Variants in WDFY1 observed in about 807,000 individuals in gnomAD.
WDFY1 encodes the protein WD repeat and FYVE domain containing 1, also known as WD repeat and FYVE domain-containing protein 1.
WDFY1 carries 32 observed loss-of-function variants against 56.4 expected under a neutral mutation model. The observed-to-expected ratio is 0.57, with a 90% confidence interval of 0.43 to 0.76. WDFY1 has a LOEUF of 0.76. WDFY1 is among the 30% of genes least tolerant of loss of function. The pLI, the probability that WDFY1 is intolerant of heterozygous loss-of-function variation, is 0.00. For synonymous variants in WDFY1, 192 were observed against 197.3 expected, an observed-to-expected ratio of 0.97 and a Z score of 0.23; for missense variants, 480 against 545.7, an observed-to-expected ratio of 0.88 and a Z score of 1.20.
chr2:223,944,639 G>C (rs1689374422), intron 1 of WDFY1, among the ~76,000 whole-genome samples: 1 of 151,334 alleles, frequency 6.6e-6, no homozygotes. Flanking sequence ...GGCGCAGTGG[G>C]ACAGAAGATC....
chr2:223,895,628 T>C lies in WDFY1; in HGVS notation c.601A>G (p.Ser201Gly). ...VITTLKGHEGSVACLWWDPIQ... is the reference protein window; with the variant it reads ...VITTLKGHEGGVACLWWDPIQ... ...GGGTCCCACCAGAGGCAGGCGACAC[T>C]ACCTAGGGATTTGTGAGAGAGAGAG... Residue 201 changes from serine to glycine, a missense_variant and splice_region_variant, in exon 7 of 12, where the codon AGT (serine) becomes GGT (glycine). Ser to Gly is a moderately conservative substitution (Grantham distance 56). Transcript: ENST00000233055. The C allele has an allele frequency of 6.2e-7, 1 of 1,613,718 alleles. No individual in the cohort carries two copies. The highest frequency in any genetic ancestry group is 8.5e-7 in the Non-Finnish European group (1 of 1,179,874).
chr2:223,878,586 C>T lies in WDFY1; in HGVS notation c.*85G>A, dbSNP rs994356749. 9.8e-6 allele frequency: 10 copies of T among 1,020,048 alleles called. No individual in the cohort carries two copies. The highest frequency in any genetic ancestry group is 5.5e-5 in the South Asian group (4 of 72,508). 63.2% of individuals were successfully genotyped at this position (1,020,048 alleles called of 1,614,324 possible). A position where few individuals can be genotyped will look rare whatever the true frequency, so the allele number is the denominator to read the frequency against. On this transcript the variant is annotated 3_prime_UTR_variant, in exon 12 of 12. Transcript: ENST00000233055. The stretch of plus-strand genomic sequence containing the variant: ...TTTGTAAGTGGCTACTGTCCATTCA[C>T]GAGACAGCGCTGTGGAGCTGCGTGA...
chr2:223,942,522 GCTAA>G (rs1165447174), intron 1 of WDFY1, among the ~76,000 whole-genome samples: 4 of 85,706 alleles, frequency 4.7e-5, no homozygotes, highest in African/African-American at 9.2e-5. Flanking sequence ...CTGGCCAAAG[GCTAA>G]CTTTTTTTTT....
At chr2:223,922,660 G>A (rs1574776112) in intron 1 of WDFY1, among the ~76,000 whole-genome samples, 1 of 152,142 alleles carries the variant, frequency 6.6e-6, no homozygotes, top group African/African-American at 2.4e-5. Context: ...AGCAATCTTA[G>A]GTCATGAATG....
intron 3 of WDFY1, 33 bp from the exon 4 acceptor site, chr2:223,906,034 A>ACCATAACTCTTTT: frequency 6.8e-7 from 1 of 1,481,270 alleles, no homozygotes; most frequent in Non-Finnish European, 9.1e-7. Flanking sequence ...AAAAATTAAA[A>ACCATAACTCTTTT]GAGTTATGGT....
rs145409998 is a variant in WDFY1, at chr2:223,900,933, AT to A, written c.485+249del. 5.2e-3 allele frequency: 2,160 copies of A among 415,932 alleles called. 33 individuals are homozygous for A. Among genetic ancestry groups the A allele is most frequent in the African/African-American group, 0.04 (1,952 of 48,842 alleles). 25.8% of individuals were successfully genotyped at this position (415,932 alleles called of 1,614,324 possible). The stretch of plus-strand genomic sequence containing the variant: ...AGAACAATTCATTTCATTATTTTTA[AT>A]AAACCCAATTTACAGCAAACTTACG... On this transcript the variant is annotated intron_variant, in intron 5 of 11. Transcript: ENST00000233055.
At chr2:223,934,056 T>C (rs1694126507) in intron 1 of WDFY1, among the ~76,000 whole-genome samples, 1 of 148,516 alleles carries the variant, frequency 6.7e-6, no homozygotes, top group Non-Finnish European at 1.5e-5. Flanking sequence ...CAGTTTCTAA[T>C]AAGGAATAGC....
chr2:223,922,254 A>G lies in WDFY1; in HGVS notation c.138-4244T>C, dbSNP rs138519230. Among the ~76,000 whole-genome samples the G allele has an allele frequency of 1.8e-3, 275 of 152,340 alleles. 2 individuals are homozygous for G. The highest frequency in any genetic ancestry group is 6.3e-3 in the African/African-American group (261 of 41,578). On this transcript the variant is annotated intron_variant, in intron 1 of 11. Transcript: ENST00000233055. ...CCATTTCAGCATAACTTCTTCATCTAAAAGAATCAGTGGATGCTTCTATCC... is the reference window on the plus strand; with the variant it reads ...CCATTTCAGCATAACTTCTTCATCTGAAAGAATCAGTGGATGCTTCTATCC...
Position 223,880,555 on chromosome 2 carries a change from C to A in WDFY1, c.1065-323G>T, listed in dbSNP as rs111783499. ...CTGGGAGGTGGGGGCTGCAGTGAGC[C>A]GAGATTGTACCACTGCACTCCAGCC... On this transcript the variant is annotated intron_variant, in intron 10 of 11. Transcript: ENST00000233055. 5.0e-3 allele frequency among the ~76,000 whole-genome samples: 748 copies of A among 149,414 alleles called. 3 individuals are homozygous for A. Among genetic ancestry groups the A allele is most frequent in the African/African-American group, 0.017 (679 of 40,406 alleles).
rs1574757441 is a variant in WDFY1 at position 223,884,684 on chromosome 2, C to T, written c.897G>A (p.Lys299=). Residue 299 remains lysine, a synonymous_variant, in exon 9 of 12, where the codon AAG becomes AAA. Transcript: ENST00000233055. ...CCAGCGTCTTGGTGTCCCACATCTGCTTTATGTTCCAGAAAAATGGCTGCT... is the reference window on the plus strand; with the variant it reads ...CCAGCGTCTTGGTGTCCCACATCTGTTTTATGTTCCAGAAAAATGGCTGCT... ...KCEQPFFWNI[K]QMWDTKTLGL... is the part of the protein sequence containing the mutation. 3 of 1,614,112 alleles carry T rather than the reference C, an allele frequency of 1.9e-6. No individual in the cohort carries two copies.
intron 7 of WDFY1, among the ~76,000 whole-genome samples, chr2:223,894,787 A>G (rs472756): frequency 0.93 from 141,581 of 152,234 alleles, 65,908 homozygotes; most frequent in South Asian, 0.96. Flanking sequence ...CAGATGGGGT[A>G]AAGACCTCTG....
intron 3 of WDFY1, among the ~76,000 whole-genome samples, chr2:223,909,713 T>C (rs998552091): frequency 6.6e-6 from 1 of 152,082 alleles, no homozygotes; most frequent in Non-Finnish European, 1.5e-5. Context: ...TCCTCTCCTC[T>C]ACACAGCCAA....
intron 4 of WDFY1, among the ~76,000 whole-genome samples, chr2:223,902,641 C>T (rs1047188046): frequency 6.6e-6 from 1 of 151,980 alleles, no homozygotes; most frequent in African/African-American, 2.4e-5. Flanking sequence ...TCTGTCTCAG[C>T]GTCTGATGTG....
At chr2:223,908,524 C>T (rs1693639691) in intron 3 of WDFY1, among the ~76,000 whole-genome samples, 1 of 152,202 alleles carries the variant, frequency 6.6e-6, no homozygotes, top group African/African-American at 2.4e-5. Context: ...GGCTGGCTCT[C>T]CTCCCACTTT....
At chr2:223,910,975 GCAA>G (rs1337667011) in intron 3 of WDFY1, among the ~76,000 whole-genome samples, 1 of 152,126 alleles carries the variant, frequency 6.6e-6, no homozygotes, top group Non-Finnish European at 1.5e-5. Context: ...AATTTTCATA[GCAA>G]CGTTATTGAT....
Position 223,878,668 on chromosome 2 carries a change from A to G in WDFY1, c.*3T>C, listed in dbSNP as rs1202987508. 1.2e-6 allele frequency: 2 copies of G among 1,612,982 alleles called. No homozygotes were observed. Among genetic ancestry groups the G allele is most frequent in the Non-Finnish European group, 8.5e-7 (1 of 1,178,938 alleles). On this transcript the variant is annotated 3_prime_UTR_variant, in exon 12 of 12. Coordinates refer to ENST00000233055, the MANE Select transcript of WDFY1 (RefSeq NM_020830.5). Reference sequence around the variant, plus strand: ...TAGGTGTGGACGCCGCCCAGCTCTCAGATCAGTGCGGAGAAAACCCAGTCG... The same window carrying G: ...TAGGTGTGGACGCCGCCCAGCTCTCGGATCAGTGCGGAGAAAACCCAGTCG...
At chr2:223,923,952 T>C (rs1658567352) in intron 1 of WDFY1, among the ~76,000 whole-genome samples, 1 of 152,204 alleles carries the variant, frequency 6.6e-6, no homozygotes, top group African/African-American at 2.4e-5. Context: ...TCATCTTATG[T>C]TTTTCCTGCT....
chr2:223,900,955 T>C, intron 5 of WDFY1: 1 of 473,916 alleles, frequency 2.1e-6, no homozygotes, highest in Non-Finnish European at 3.7e-6. Flanking sequence ...TACAGCAAAC[T>C]TACGGAAGTT....
chr2:223,919,536 G>T (rs1173200461), intron 1 of WDFY1, among the ~76,000 whole-genome samples: 1 of 152,100 alleles, frequency 6.6e-6, no homozygotes, highest in Non-Finnish European at 1.5e-5. Flanking sequence ...TTAAGATGCA[G>T]TCTTGCTCTG....
Sources: allele counts gnomAD v4.1 joint callset (sites outside exome capture counted in the v4.1 genomes callset), GRCh38; gene constraint gnomAD v4.1.1; transcripts MANE v1.5; gene names NCBI Gene and HGNC (gene_info 2026-07-23, HGNC 2026-07-21).